The following GPM6A variants were observed in gnomAD, a reference collection of about 807,000 sequenced individuals.
The protein encoded by GPM6A is neuronal membrane glycoprotein M6-a.
GPM6A carries 7 observed loss-of-function variants against 32.1 expected under a neutral mutation model. The ratio of observed to expected loss-of-function variants is 0.22; its 90% CI spans 0.12 to 0.41. The LOEUF is 0.41. Among genes scored for constraint, GPM6A ranks in the 10% least tolerant of loss-of-function variants. The pLI is 1.00. For synonymous variants in GPM6A, 130 were observed against 123.4 expected (o/e 1.05, Z -0.35); for missense variants, 235 against 347.2 (o/e 0.68, Z 2.57).
At chr4:175,999,786 G>A (rs1169348215) in intron 1 of GPM6A, among the ~76,000 whole-genome samples, 2 of 152,080 alleles carry the variant, frequency 1.3e-5, no homozygotes, top group Non-Finnish European at 2.9e-5. Flanking sequence ...TCCATTTGTT[G>A]GCGCAATCCA....
chr4:175,936,671 A>C (rs987592338), intron 1 of GPM6A, among the ~76,000 whole-genome samples: 1 of 152,170 alleles, frequency 6.6e-6, no homozygotes, highest in Non-Finnish European at 1.5e-5. Context: ...ATATCAAACC[A>C]GAAGCAATAC....
chr4:175,988,425 C>G (rs1262278422), intron 1 of GPM6A, among the ~76,000 whole-genome samples: 1 of 152,088 alleles, frequency 6.6e-6, no homozygotes, highest in African/African-American at 2.4e-5. Context: ...AAATTGTTGT[C>G]CTATGAAAGA....
chr4:175,688,497 G>A (rs960476405), intron 2 of GPM6A, among the ~76,000 whole-genome samples: 1 of 152,122 alleles, frequency 6.6e-6, no homozygotes. Flanking sequence ...TTCGGTGATA[G>A]TATATGCTTG....
At chr4:175,949,626 A>G (rs1055398738) in intron 1 of GPM6A, among the ~76,000 whole-genome samples, 4 of 152,228 alleles carry the variant, frequency 2.6e-5, no homozygotes, top group African/African-American at 9.6e-5. Flanking sequence ...TACTCCTTGC[A>G]TCTTCTTATC....
At chr4:175,920,574 G>A (rs1478133542) in intron 1 of GPM6A, among the ~76,000 whole-genome samples, 3 of 152,154 alleles carry the variant, frequency 2.0e-5, no homozygotes, top group Admixed American at 6.5e-5. Context: ...ACGGCTGGGC[G>A]TGGTGGCTTA....
intron 1 of GPM6A, among the ~76,000 whole-genome samples, chr4:175,976,328 A>ATTTTTTTTTTTTTTTTTTTTTTTT (rs34163669): frequency 1.9e-4 from 26 of 137,322 alleles, no homozygotes; most frequent in African/African-American, 7.6e-4. Context: ...CGCCTGGCTA[A>ATTTTTTTTTTTTTTTTTTTTTTTT]TTTTTTTTTT....
intron 1 of GPM6A, among the ~76,000 whole-genome samples, chr4:175,997,590 G>A (rs7675676): frequency 0.38 from 56,851 of 151,528 alleles, 11,083 homozygotes; most frequent in African/African-American, 0.46. Context: ...CCATTCAAAG[G>A]CATAAGGGAT....
chr4:175,861,500 C>G (rs980699984), intron 1 of GPM6A, among the ~76,000 whole-genome samples: 1 of 150,756 alleles, frequency 6.6e-6, no homozygotes, highest in African/African-American at 2.4e-5. Context: ...GCTTGTAATC[C>G]AAGCAATTTC....
chr4:175,656,441 C>T (rs1742089214), intron 3 of GPM6A, among the ~76,000 whole-genome samples: 1 of 151,974 alleles, frequency 6.6e-6, no homozygotes, highest in African/African-American at 2.4e-5. Flanking sequence ...GCATTTGATT[C>T]AACAAAATTG....
intron 1 of GPM6A, among the ~76,000 whole-genome samples, chr4:175,719,326 G>T (rs1436434196): frequency 2.6e-5 from 4 of 151,860 alleles, no homozygotes; most frequent in African/African-American, 9.7e-5. Flanking sequence ...AGCCTCCCGA[G>T]TAGCTGGGAC....
chr4:175,767,717 A>G (rs1733029319), intron 1 of GPM6A, among the ~76,000 whole-genome samples: 1 of 152,224 alleles, frequency 6.6e-6, no homozygotes, highest in African/African-American at 2.4e-5. Context: ...TCCTGTCTGC[A>G]TTCCATTACT....
chr4:175,869,409 C>A (rs141368863), intron 1 of GPM6A, among the ~76,000 whole-genome samples: 135 of 151,850 alleles, frequency 8.9e-4, no homozygotes, highest in Non-Finnish European at 1.2e-3. Context: ...GCACATATAC[C>A]CAGGAAGTAA....
chr4:175,798,875 A>C (rs1289276649), intron 1 of GPM6A, among the ~76,000 whole-genome samples: 1 of 152,208 alleles, frequency 6.6e-6, no homozygotes, highest in Non-Finnish European at 1.5e-5. Flanking sequence ...GGGAAATGTA[A>C]AATGCATTTT....
At chr4:175,637,685 AAT>A (rs1740847205) in intron 6 of GPM6A, among the ~76,000 whole-genome samples, 2 of 79,314 alleles carry the variant, frequency 2.5e-5, no homozygotes, top group African/African-American at 5.7e-5. Context: ...ATATATATAT[AAT>A]ATATAATATA....
At chr4:175,636,433 T>C (rs1425562783) in intron 6 of GPM6A, among the ~76,000 whole-genome samples, 1 of 151,438 alleles carries the variant, frequency 6.6e-6, no homozygotes. Context: ...AATAAATGAA[T>C]GTATTTTTCA....
chr4:175,767,478 G>A (rs545044148), intron 1 of GPM6A, among the ~76,000 whole-genome samples: 7 of 152,304 alleles, frequency 4.6e-5, no homozygotes, highest in East Asian at 3.9e-4. Flanking sequence ...TGAAAACCTC[G>A]AGAAATCCTT....
chr4:175,936,329 A>C (rs57300749), intron 1 of GPM6A, among the ~76,000 whole-genome samples: 4 of 140,766 alleles, frequency 2.8e-5, no homozygotes, highest in African/African-American at 6.1e-5. Flanking sequence ...AAAAAAAAAA[A>C]AAAAAAACTA....
intron 2 of GPM6A, among the ~76,000 whole-genome samples, chr4:175,675,425 C>T (rs922922405): frequency 1.7e-4 from 26 of 151,968 alleles, no homozygotes; most frequent in African/African-American, 5.3e-4. Context: ...TAATTATATA[C>T]ATTTCTTTGG....
chr4:175,921,514 C>A (rs1424981246), intron 1 of GPM6A, among the ~76,000 whole-genome samples: 1 of 89,926 alleles, frequency 1.1e-5, no homozygotes. Flanking sequence ...ACCATCATTC[C>A]CAAAGAAAAA....
Sources: gnomAD v4.1 joint callset for allele counts (sites outside exome capture counted in the v4.1 genomes callset) on GRCh38, gnomAD v4.1.1 for gene constraint, MANE v1.5 for transcripts, NCBI Gene and HGNC (gene_info 2026-07-23, HGNC 2026-07-21) for gene names.